SMIM36: variants seen among roughly 807,000 people sequenced by gnomAD.
SMIM36 encodes the protein small integral membrane protein 36.
chr17:55,460,923 T>C (rs1231502594), intron 4 of SMIM36, among the ~76,000 whole-genome samples: 2 of 152,178 alleles, frequency 1.3e-5, no homozygotes, highest in Non-Finnish European at 2.9e-5. Context: ...TAAGAATCCA[T>C]GTGTACCTAA....
chr17:55,508,016 T>C (rs1910109110), intron 1 of SMIM36, among the ~76,000 whole-genome samples: 1 of 152,174 alleles, frequency 6.6e-6, no homozygotes, highest in African/African-American at 2.4e-5. Flanking sequence ...AACACAAGCC[T>C]AAGGGACCCC....
At chr17:55,495,416 A>C (rs1909790970) in intron 1 of SMIM36, among the ~76,000 whole-genome samples, 1 of 152,222 alleles carries the variant, frequency 6.6e-6, no homozygotes, top group Non-Finnish European at 1.5e-5. Context: ...ATAACTTATT[A>C]CACTTTGTGA....
At chr17:55,458,596 T>C (rs1425788869) in intron 4 of SMIM36, 1 of 112,836 alleles carries the variant, frequency 8.9e-6, no homozygotes, top group African/African-American at 3.4e-5. Flanking sequence ...CACACACACA[T>C]CCTAGCGGGC....
intron 1 of SMIM36, among the ~76,000 whole-genome samples, chr17:55,480,507 C>T (rs141743854): frequency 6.6e-5 from 10 of 152,258 alleles, no homozygotes; most frequent in African/African-American, 2.4e-4. Context: ...ACAAGCTCTC[C>T]AGGTGATTCT....
chr17:55,508,217 C>A (rs1377620928), intron 1 of SMIM36, among the ~76,000 whole-genome samples: 1 of 151,808 alleles, frequency 6.6e-6, no homozygotes, highest in East Asian at 1.9e-4. Context: ...AGCCCAACAT[C>A]CCCCTCACCC....
At chr17:55,474,398 T>G (rs1042205260) in intron 3 of SMIM36, among the ~76,000 whole-genome samples, 2 of 152,128 alleles carry the variant, frequency 1.3e-5, no homozygotes, top group African/African-American at 4.8e-5. Flanking sequence ...CCCAGTGGAA[T>G]GCATCCTCAG....
chr17:55,501,194 CTT>C (rs1567870940), intron 1 of SMIM36, among the ~76,000 whole-genome samples: 29 of 2,504 alleles, frequency 0.012, 8 homozygotes, highest in African/African-American at 0.075. Flanking sequence ...TATAATATAT[CTT>C]ATATATTATA....
At chr17:55,494,544 G>A (rs1002128310) in intron 1 of SMIM36, among the ~76,000 whole-genome samples, 1 of 152,080 alleles carries the variant, frequency 6.6e-6, no homozygotes, top group Non-Finnish European at 1.5e-5. Context: ...TGATATGGTG[G>A]AGTGGTGCAG....
At chr17:55,527,740 A>T in the SMIM36 span, 11 of 152,364 alleles carry the variant, frequency 7.2e-5, no homozygotes, top group East Asian at 2.1e-3. Context: ...TCTGAGCAGG[A>T]ATTTTCTCTT....
intron 1 of SMIM36, among the ~76,000 whole-genome samples, chr17:55,496,967 G>A (rs1393338245): frequency 6.6e-6 from 1 of 152,126 alleles, no homozygotes; most frequent in African/African-American, 2.4e-5. Flanking sequence ...AAATCTTCAG[G>A]AAGATTAAAT....
the SMIM36 span, among the ~76,000 whole-genome samples, chr17:55,523,433 G>A: frequency 6.6e-6 from 1 of 152,002 alleles, no homozygotes; most frequent in Non-Finnish European, 1.5e-5. Flanking sequence ...GGGAGGCTGA[G>A]GCAGGAGAAT....
At chr17:55,488,617 A>G (rs1909649457) in intron 1 of SMIM36, among the ~76,000 whole-genome samples, 1 of 152,222 alleles carries the variant, frequency 6.6e-6, no homozygotes. Flanking sequence ...TGTTGCTGCA[A>G]TGAGGACATA....
At chr17:55,489,338 A>AC (rs1909662430) in intron 1 of SMIM36, among the ~76,000 whole-genome samples, 1 of 152,032 alleles carries the variant, frequency 6.6e-6, no homozygotes. Flanking sequence ...AGATCACTCC[A>AC]CTGCACTCTT....
chr17:55,471,266 C>T (rs779407506), intron 3 of SMIM36, among the ~76,000 whole-genome samples: 6 of 152,100 alleles, frequency 3.9e-5, no homozygotes, highest in African/African-American at 7.2e-5. Flanking sequence ...GCTTTCTTTT[C>T]GCCTGTCTGC....
intron 4 of SMIM36, among the ~76,000 whole-genome samples, chr17:55,462,346 T>C (rs1909160602): frequency 6.6e-6 from 1 of 152,204 alleles, no homozygotes; most frequent in Admixed American, 6.5e-5. Context: ...CATGGTGGCT[T>C]ATGCCTGTAA....
At chr17:55,520,579 G>C in the SMIM36 span, among the ~76,000 whole-genome samples, 1 of 152,178 alleles carries the variant, frequency 6.6e-6, no homozygotes, top group Admixed American at 6.5e-5. Context: ...TAATGGGCAG[G>C]TAGCATGTAC....
chr17:55,496,900 C>T lies in SMIM36; in HGVS notation c.*174+13979G>A, dbSNP rs186157147. Among the ~76,000 whole-genome samples the T allele has an allele frequency of 9.9e-5, 15 of 152,226 alleles. No homozygotes were observed. In the East Asian group the frequency reaches 1.5e-3, roughly 16 times the overall value. On this transcript the variant is annotated intron_variant, in intron 1 of 4. Transcript: ENST00000636752. The stretch of plus-strand genomic sequence containing the variant: ...CACCCTTTCAACCTAAAGGTGTTTG[C>T]ATGACAGTCTCAAACTCCCTTGTTT...
intron 1 of SMIM36, among the ~76,000 whole-genome samples, chr17:55,502,140 C>G (rs1910000502): frequency 6.7e-6 from 1 of 150,126 alleles, no homozygotes; most frequent in African/African-American, 2.4e-5. Flanking sequence ...GGCAGCGAGG[C>G]TGGGGGAGGG....
rs1310675352 is a variant in SMIM36, at chr17:55,501,034, T to TATTA, written c.*174+9844_*174+9845insTAAT. On this transcript the variant is annotated intron_variant, in intron 1 of 4. Coordinates refer to ENST00000636752, the Ensembl canonical transcript of SMIM36. The stretch of plus-strand genomic sequence containing the variant: ...ATTATATTTTGTAATATATAATATA[T>TATTA]TATTATATATTATAATATATAATAT... Among the ~76,000 whole-genome samples the TATTA allele has an allele frequency of 1.9e-3, 4 of 2,090 alleles. 2 individuals carry two copies. Among genetic ancestry groups the TATTA allele is most frequent in the Non-Finnish European group, 2.5e-3 (4 of 1,598 alleles). The allele number at this position is 2,090 out of a possible 152,430, so 1.4% of individuals were successfully genotyped here. A position where few individuals can be genotyped will look rare whatever the true frequency, so the allele number is the denominator to read the frequency against.
Sources: allele counts gnomAD v4.1 joint callset (sites outside exome capture counted in the v4.1 genomes callset), GRCh38; gene constraint gnomAD v4.1.1; transcripts MANE v1.5; gene names NCBI Gene and HGNC (gene_info 2026-07-23, HGNC 2026-07-21).